CCDC171: variants seen among roughly 807,000 people sequenced by gnomAD.
CCDC171 encodes coiled-coil domain-containing protein 171.
In CCDC171, 177 loss-of-function variants were observed where a neutral mutation model predicts 168.2. The ratio of observed to expected loss-of-function variants is 1.05; its 90% CI spans 0.93 to 1.19. The LOEUF (loss-of-function observed/expected upper bound fraction) is 1.19, where lower values mean the gene tolerates loss of function less well. CCDC171 is among the 50% of genes most tolerant of loss of function. CCDC171 has a pLI of 0.00. For synonymous variants in CCDC171, 687 were observed against 540.8 expected (o/e 1.27, Z -3.75); for missense variants, 1,991 against 1,539.0 (o/e 1.29, Z -4.91).
rs2047158222 is a variant in CCDC171, at chr9:15,647,638, A to G, written c.823-9489A>G. Among the ~76,000 whole-genome samples the G allele has an allele frequency of 2.6e-5, 4 of 152,364 alleles. No individual in the cohort carries two copies. In the South Asian group the frequency reaches 8.3e-4, roughly 32 times the overall value. ...AAACACCTCTATACAAATAAACTAG[A>G]AAATCTAGAAGAAATGCATAAATTC... On this transcript the variant is annotated intron_variant, in intron 7 of 25. Coordinates refer to ENST00000380701, the MANE Select transcript of CCDC171 (RefSeq NM_173550.4).
At chr9:15,585,627 T>C (rs1327144052) in intron 4 of CCDC171, among the ~76,000 whole-genome samples, 1 of 152,156 alleles carries the variant, frequency 6.6e-6, no homozygotes, top group Non-Finnish European at 1.5e-5. Context: ...AGGGTACTTT[T>C]TGGGTTGAAA....
intron 11 of CCDC171, among the ~76,000 whole-genome samples, chr9:15,706,532 C>T (rs762549374): frequency 3.3e-5 from 5 of 152,138 alleles, no homozygotes; most frequent in Non-Finnish European, 7.3e-5. Flanking sequence ...AAGCAATCCT[C>T]CCACCCCAGC....
intron 22 of CCDC171, 38 bp from the exon 23 acceptor site, chr9:15,848,855 T>G: frequency 8.0e-7 from 1 of 1,247,198 alleles, no homozygotes; most frequent in Non-Finnish European, 1.1e-6. Flanking sequence ...GTAGTAAGGT[T>G]TGAGTTTTAC....
In CCDC171 at chr9:15,571,608, TA is replaced by T; in HGVS notation, c.42-14del. 6.6e-7 allele frequency: 1 copy of T among 1,522,174 alleles called. No individual in the cohort carries two copies. Among genetic ancestry groups the T allele is most frequent in the Non-Finnish European group, 8.8e-7 (1 of 1,137,730 alleles). 94.3% of individuals were successfully genotyped at this position (1,522,174 alleles called of 1,614,324 possible). A position where few individuals can be genotyped will look rare whatever the true frequency, so the allele number is the denominator to read the frequency against. On this transcript the variant is annotated splice_polypyrimidine_tract_variant and intron_variant, in intron 2 of 25. Coordinates refer to ENST00000380701, the MANE Select transcript of CCDC171 (RefSeq NM_173550.4). ...TATGAGAAGCATATACATTTTACTGTAATCTCATTTTAAAGGTTGAAGATTG... is the reference window on the plus strand; with the variant it reads ...TATGAGAAGCATATACATTTTACTGTATCTCATTTTAAAGGTTGAAGATTG...
intron 21 of CCDC171, among the ~76,000 whole-genome samples, chr9:15,801,869 A>G (rs932084537): frequency 1.3e-5 from 2 of 152,072 alleles, no homozygotes; most frequent in African/African-American, 2.4e-5. Flanking sequence ...GTCAGCATCA[A>G]TTGAAATGAT....
intron 21 of CCDC171, among the ~76,000 whole-genome samples, chr9:15,839,603 A>G (rs1241479536): frequency 1.3e-5 from 2 of 152,196 alleles, no homozygotes; most frequent in African/African-American, 4.8e-5. Context: ...TGCTTGAGTT[A>G]TAATGATAAT....
intron 7 of CCDC171, among the ~76,000 whole-genome samples, chr9:15,629,967 A>G (rs910487158): frequency 6.6e-6 from 1 of 152,224 alleles, no homozygotes; most frequent in Non-Finnish European, 1.5e-5. Flanking sequence ...CTTTACAGAA[A>G]AGCAAATGCT....
intron 7 of CCDC171, among the ~76,000 whole-genome samples, chr9:15,636,915 A>T (rs977286826): frequency 6.6e-5 from 10 of 151,238 alleles, no homozygotes; most frequent in African/African-American, 1.7e-4. Flanking sequence ...GTAATAACGA[A>T]TTTTTTTTTG....
chr9:15,572,747 C>T (rs369353527), intron 3 of CCDC171, among the ~76,000 whole-genome samples: 1 of 152,140 alleles, frequency 6.6e-6, no homozygotes, highest in Non-Finnish European at 1.5e-5. Context: ...ATCATGCTTT[C>T]CTGCTCTTCT....
At chr9:16,025,004 C>G (rs1478492764) in intron 6 of CCDC171, among the ~76,000 whole-genome samples, 1 of 152,194 alleles carries the variant, frequency 6.6e-6, no homozygotes, top group Non-Finnish European at 1.5e-5. Context: ...TCATACCTTG[C>G]TGGTGGGAAT....
intron 18 of CCDC171, among the ~76,000 whole-genome samples, chr9:15,761,654 T>C (rs2056449618): frequency 6.6e-6 from 1 of 152,166 alleles, no homozygotes; most frequent in African/African-American, 2.4e-5. Context: ...AAAAATTTTT[T>C]GTGTATGGGA....
chr9:15,957,068 A>G (rs1829871868), intron 25 of CCDC171, among the ~76,000 whole-genome samples: 3 of 151,688 alleles, frequency 2.0e-5, no homozygotes, highest in African/African-American at 7.3e-5. Flanking sequence ...TATCACTATA[A>G]TATTTCCTAG....
intron 7 of CCDC171, among the ~76,000 whole-genome samples, chr9:15,643,047 C>T (rs1038455425): frequency 5.3e-5 from 8 of 151,300 alleles, no homozygotes; most frequent in Non-Finnish European, 8.8e-5. Context: ...TCTCTCTGTG[C>T]CCTTTATTTG....
At chr9:15,666,110 A>G in intron 8 of CCDC171, 53 bp from the exon 9 acceptor site, 1 of 1,518,580 alleles carries the variant, frequency 6.6e-7, no homozygotes, top group Non-Finnish European at 9.1e-7. Flanking sequence ...TCAATTTAAG[A>G]TTGATGCTAG....
At chr9:15,757,723 C>G (rs376914154) in intron 18 of CCDC171, among the ~76,000 whole-genome samples, 1 of 152,106 alleles carries the variant, frequency 6.6e-6, no homozygotes, top group Non-Finnish European at 1.5e-5. Flanking sequence ...TTGTCCAGTC[C>G]CAGGGTCCCC....
chr9:15,821,989 T>C (rs866256844), intron 21 of CCDC171, among the ~76,000 whole-genome samples: 2 of 152,058 alleles, frequency 1.3e-5, no homozygotes, highest in African/African-American at 2.4e-5. Context: ...AACAGAGATA[T>C]AGACCCCGGA....
intron 24 of CCDC171, among the ~76,000 whole-genome samples, chr9:15,891,000 C>G (rs1428139677): frequency 6.6e-6 from 1 of 152,060 alleles, no homozygotes; most frequent in Admixed American, 6.6e-5. Flanking sequence ...CTCTCTTTGC[C>G]AATTTGCTTT....
intron 24 of CCDC171, among the ~76,000 whole-genome samples, chr9:15,913,480 C>T (rs1307353725): frequency 6.6e-6 from 1 of 152,148 alleles, no homozygotes; most frequent in Non-Finnish European, 1.5e-5. Flanking sequence ...AAAAAAACAG[C>T]TCCTGGATTC....
chr9:16,079,999 T>A, the CCDC171 span, among the ~76,000 whole-genome samples: 2 of 152,200 alleles, frequency 1.3e-5, no homozygotes, highest in Admixed American at 6.5e-5. Flanking sequence ...AAACCTTCCA[T>A]GCTTGTGATG....
Sources: allele counts gnomAD v4.1 joint callset (sites outside exome capture counted in the v4.1 genomes callset), GRCh38; gene constraint gnomAD v4.1.1; transcripts MANE v1.5; gene names NCBI Gene and HGNC (gene_info 2026-07-23, HGNC 2026-07-21).